Variants in MRPL43 observed in about 807,000 individuals in gnomAD.
MRPL43 encodes the protein mitochondrial ribosomal protein L43.
Under a neutral mutation model 12.7 loss-of-function variants are expected in MRPL43, and 9 were observed. The ratio of observed to expected loss-of-function variants is 0.71; its 90% CI spans 0.43 to 1.24. The LOEUF (loss-of-function observed/expected upper bound fraction) is 1.24, where lower values mean the gene tolerates loss of function less well. MRPL43 is among the 50% of genes most tolerant of loss of function. The pLI, the probability that MRPL43 is intolerant of heterozygous loss-of-function variation, is 0.00. For missense variants in MRPL43, 211 were observed against 229.2 expected, an observed-to-expected ratio of 0.92 and a Z score of 0.51; for synonymous variants, 116 against 96.4, an observed-to-expected ratio of 1.20 and a Z score of -1.19.
chr10:100,986,555 T>C lies in MRPL43; in HGVS notation c.*179A>G. 1 of 1,565,082 alleles carries C rather than the reference T, an allele frequency of 6.4e-7. No homozygotes were observed. The highest frequency in any genetic ancestry group is 8.7e-7 in the Non-Finnish European group (1 of 1,154,798). On this transcript the variant is annotated 3_prime_UTR_variant, in exon 3 of 3. Transcript: ENST00000318364. ...AAAAATGAGTGGTTCACAAGGTCAC[T>C]GCCCCCAGAAGCAGGCACTGGAAAG...
downstream of MRPL43, chr10:100,980,481 A>C: frequency 7.4e-7 from 1 of 1,344,644 alleles, no homozygotes; most frequent in Non-Finnish European, 1.1e-6. Flanking sequence ...CTTGTTCTGG[A>C]CCTCAGGACT....
chr10:100,983,230 G>T, downstream of MRPL43: 1 of 1,438,080 alleles, frequency 7.0e-7, no homozygotes, highest in Non-Finnish European at 9.2e-7. Flanking sequence ...GGACTTGGCA[G>T]TGAACAGTCT....
chr10:100,979,906 T>C (rs150824972), downstream of MRPL43: 21 of 1,613,996 alleles, frequency 1.3e-5, no homozygotes, highest in Non-Finnish European at 1.8e-5. Flanking sequence ...CCAGGCTGTC[T>C]TTGCAGGACC....
At chr10:100,978,913 C>A, downstream of MRPL43, 1 of 1,614,198 alleles carries the variant, frequency 6.2e-7, no homozygotes, top group South Asian at 1.1e-5. Context: ...GTGATGATGA[C>A]AAGGTGTACT....
chr10:100,979,574 G>A (rs1053421441), downstream of MRPL43, among the ~76,000 whole-genome samples: 3 of 152,072 alleles, frequency 2.0e-5, no homozygotes, highest in African/African-American at 7.2e-5. Context: ...ATAGAGATGG[G>A]GTTTCACTGT....
downstream of MRPL43, chr10:100,983,453 C>A (rs148516703): frequency 6.2e-7 from 1 of 1,614,046 alleles, no homozygotes; most frequent in African/African-American, 1.3e-5. Flanking sequence ...ACCGTGTGGG[C>A]GTGGACGGGC....
downstream of MRPL43, chr10:100,980,030 G>A: frequency 1.2e-6 from 2 of 1,613,828 alleles, no homozygotes; most frequent in Non-Finnish European, 1.7e-6. Context: ...TGAGTAGACA[G>A]AGCCCAGGGA....
At chr10:100,984,672 G>C (rs1164988814), downstream of MRPL43, 4 of 1,536,226 alleles carry the variant, frequency 2.6e-6, no homozygotes, top group Non-Finnish European at 3.5e-6. Flanking sequence ...CCTTCTCCTG[G>C]TGCATTCTTG....
chr10:100,979,717 C>A (rs1238728675), downstream of MRPL43: 2 of 1,035,968 alleles, frequency 1.9e-6, no homozygotes, highest in Non-Finnish European at 2.9e-6. Context: ...GGTCCACTGA[C>A]TCACAGGAGA....
chr10:100,978,722 C>A, downstream of MRPL43: 2 of 1,545,650 alleles, frequency 1.3e-6, no homozygotes, highest in South Asian at 1.1e-5. Flanking sequence ...GACCACCCCA[C>A]CCCCAAATCC....
chr10:100,984,105 G>A (rs1250475715), downstream of MRPL43: 2 of 1,612,454 alleles, frequency 1.2e-6, no homozygotes, highest in Admixed American at 1.7e-5. Flanking sequence ...GCAGCTCGTG[G>A]AGCAGCTAGA....
downstream of MRPL43, chr10:100,978,523 C>T: frequency 6.2e-7 from 1 of 1,613,458 alleles, no homozygotes; most frequent in South Asian, 1.1e-5. Flanking sequence ...TATCCCCACG[C>T]CAGATGGAGG....
chr10:100,980,610 G>A (rs1400944443), downstream of MRPL43: 1 of 1,614,194 alleles, frequency 6.2e-7, no homozygotes, highest in South Asian at 1.1e-5. Flanking sequence ...CGTAGTCCTG[G>A]GCTCTGGGAT....
downstream of MRPL43, chr10:100,977,974 C>CA (rs1444745495): frequency 2.6e-5 from 15 of 573,488 alleles, no homozygotes; most frequent in Non-Finnish European, 4.0e-5. Context: ...ACCTGGCAAA[C>CA]TTCATTTAAC....
downstream of MRPL43, chr10:100,986,198 C>A (rs1851454824): frequency 3.7e-6 from 3 of 806,994 alleles, no homozygotes; most frequent in Non-Finnish European, 4.9e-6. Context: ...GTTATATGTT[C>A]TGCGTCTAGT....
chr10:100,983,444 C>T (rs1287605179), downstream of MRPL43: 1 of 1,614,014 alleles, frequency 6.2e-7, no homozygotes, highest in Non-Finnish European at 8.5e-7. Flanking sequence ...AGGGTGGCTA[C>T]CGTGTGGGCG....
chr10:100,979,836 G>A, downstream of MRPL43: 1 of 1,612,656 alleles, frequency 6.2e-7, no homozygotes, highest in Non-Finnish European at 8.5e-7. Context: ...CTTGCCCTAT[G>A]TCCCATTCTA....
downstream of MRPL43, chr10:100,978,777 G>A: frequency 1.3e-6 from 2 of 1,579,622 alleles, no homozygotes; most frequent in Non-Finnish European, 1.7e-6. Flanking sequence ...GTCAAGTGAG[G>A]GGTCAGCCTC....
downstream of MRPL43, chr10:100,984,637 C>A: frequency 6.5e-7 from 1 of 1,536,228 alleles, no homozygotes; most frequent in Non-Finnish European, 8.7e-7. Context: ...TGTTTATCGG[C>A]TGGGCTGCAG....
Sources: allele counts gnomAD v4.1 joint callset (sites outside exome capture counted in the v4.1 genomes callset), GRCh38; gene constraint gnomAD v4.1.1; transcripts MANE v1.5; gene names NCBI Gene and HGNC (gene_info 2026-07-23, HGNC 2026-07-21).